ALPL: variants seen among roughly 807,000 people sequenced by gnomAD.
ALPL encodes the protein alkaline phosphatase, biomineralization associated, also known as alkaline phosphatase, tissue-nonspecific isozyme.
In ALPL, 42 loss-of-function variants were observed where a neutral mutation model predicts 51.3. The ratio of observed to expected loss-of-function variants is 0.82; its 90% CI spans 0.64 to 1.06. The LOEUF (loss-of-function observed/expected upper bound fraction) is 1.06. Ranked by LOEUF, ALPL falls within the 50% of genes least tolerant of loss-of-function variation. ALPL has a pLI of 0.00. For missense variants in ALPL, 589 were observed against 709.4 expected, an observed-to-expected ratio of 0.83 and a Z score of 1.93; for synonymous variants, 279 against 296.4, an observed-to-expected ratio of 0.94 and a Z score of 0.60.
Position 21,575,947 on chromosome 1 carries a change from G to C in ALPL, c.1189+23G>C, listed in dbSNP as rs202072528. 544 of 1,613,872 alleles carry C rather than the reference G, an allele frequency of 3.4e-4. 2 individuals are homozygous for C. In the Middle Eastern group the frequency reaches 8.7e-3, roughly 26 times the overall value. ...TTGGTAGGTGGGCCTTCTTTGGGGT[G>C]GACACTCCTGGGGTCTCCTGTCTAC... On this transcript the variant is annotated intron_variant, in intron 10 of 11. Coordinates refer to ENST00000374840, the MANE Select transcript of ALPL (RefSeq NM_000478.6).
rs1644754373 is a variant in ALPL, at chr1:21,577,453, CGT to C, written c.1381_1382del (p.Val461LeufsTer?). On this transcript the variant is annotated frameshift_variant, in exon 12 of 12. Coordinates refer to ENST00000374840, the MANE Select transcript of ALPL (RefSeq NM_000478.6). LOFTEE classifies it high-confidence loss of function. The part of the protein sequence containing the change: ...HETHGGEDVA[V>X]FSKGPMAHLL... ...AGACCCACGGCGGGGAGGACGTGGCCGTCTTCTCCAAGGGCCCCATGGCGCAC... is the reference window on the plus strand; with the variant it reads ...AGACCCACGGCGGGGAGGACGTGGCCCTTCTCCAAGGGCCCCATGGCGCAC... 6.2e-7 allele frequency: 1 copy of C among 1,611,500 alleles called. No individual in the cohort carries two copies. Among genetic ancestry groups the C allele is most frequent in the Non-Finnish European group, 8.5e-7 (1 of 1,179,940 alleles).
intron 1 of ALPL, among the ~76,000 whole-genome samples, chr1:21,553,080 A>G (rs1300743755): frequency 2.0e-5 from 3 of 152,126 alleles, no homozygotes; most frequent in Non-Finnish European, 2.9e-5. Flanking sequence ...AAAAATAAAG[A>G]GGAAATAATC....
In ALPL at chr1:21,564,042, G is replaced by T; in HGVS notation, c.474G>T (p.Gly158=). 1 of 1,613,776 alleles carries T rather than the reference G, an allele frequency of 6.2e-7. No individual in the cohort carries two copies. The highest frequency in any genetic ancestry group is 8.5e-7 in the Non-Finnish European group (1 of 1,179,968). Residue 158 remains glycine, a splice_region_variant and synonymous_variant, in exon 6 of 12, where the codon GGG becomes GGT. Transcript: ENST00000374840. The surrounding 1 kb of genome is among the most constrained non-coding windows in gnomAD (Gnocchi z 5.8). ...AAACCCGCCCCTCCTGCACCCCAGGGAAATCTGTGGGCATTGTGACCACCA... is the reference window on the plus strand; with the variant it reads ...AAACCCGCCCCTCCTGCACCCCAGGTAAATCTGTGGGCATTGTGACCACCA... The part of the protein sequence containing the change: ...TSILRWAKDA[G]KSVGIVTTTR...
intron 1 of ALPL, among the ~76,000 whole-genome samples, chr1:21,523,539 G>A (rs1056290362): frequency 2.6e-5 from 4 of 152,186 alleles, no homozygotes; most frequent in East Asian, 3.9e-4. Flanking sequence ...TCCGTGGGGC[G>A]GAGGGGAGTA....
At chr1:21,546,446 T>C (rs1472427059) in intron 1 of ALPL, among the ~76,000 whole-genome samples, 1 of 152,216 alleles carries the variant, frequency 6.6e-6, no homozygotes, top group Admixed American at 6.5e-5. Context: ...TCCAAGTGGC[T>C]TGACCTCTCT....
At chr1:21,556,965 C>T (rs1644421898) in intron 2 of ALPL, among the ~76,000 whole-genome samples, 1 of 152,146 alleles carries the variant, frequency 6.6e-6, no homozygotes, top group African/African-American at 2.4e-5. Flanking sequence ...CAGCTTCAGC[C>T]TGAACCTGTA....
At chr1:21,510,600 A>C (rs947082992) in intron 1 of ALPL, among the ~76,000 whole-genome samples, 7 of 152,188 alleles carry the variant, frequency 4.6e-5, no homozygotes, top group Non-Finnish European at 1.0e-4. Flanking sequence ...TGAGGCTTAG[A>C]CAATTTAAGT....
intron 9 of ALPL, 181 bp downstream of exon 9, chr1:21,573,980 C>T (rs1644690737): frequency 5.1e-6 from 5 of 985,276 alleles, no homozygotes; most frequent in Admixed American, 6.1e-5. Flanking sequence ...CAGCAAGCTG[C>T]TCTCCTTTGG....
chr1:21,530,954 ATTT>A lies in ALPL; in HGVS notation c.-105+21456_-105+21458del, dbSNP rs34079543. Among the ~76,000 whole-genome samples, 501 of 103,966 alleles carry A rather than the reference ATTT, an allele frequency of 4.8e-3. 3 individuals are homozygous for A. Among genetic ancestry groups the A allele is most frequent in the South Asian group, 0.018 (58 of 3,256 alleles). The allele number at this position is 103,966 out of a possible 152,430, so 68.2% of individuals were successfully genotyped here. A position where few individuals can be genotyped will look rare whatever the true frequency, so the allele number is the denominator to read the frequency against. On this transcript the variant is annotated intron_variant, in intron 1 of 11. Transcript: ENST00000374840. ...CACCACCACATCCAGATCATTTTTGATTTTTTTTTTTTTTTTTTTTTGGAGACA... is the reference window on the plus strand; with the variant it reads ...CACCACCACATCCAGATCATTTTTGATTTTTTTTTTTTTTTTTTGGAGACA...
intron 1 of ALPL, among the ~76,000 whole-genome samples, chr1:21,522,288 A>C (rs998705348): frequency 6.6e-6 from 1 of 152,026 alleles, no homozygotes; most frequent in African/African-American, 2.4e-5. Flanking sequence ...GTTAGCCAGG[A>C]TGGTCTCCAT....
intron 1 of ALPL, among the ~76,000 whole-genome samples, chr1:21,523,290 C>T (rs1285337398): frequency 2.6e-5 from 4 of 152,158 alleles, no homozygotes; most frequent in African/African-American, 7.2e-5. Flanking sequence ...CAGAGCGAGA[C>T]TCCATCTCAA....
At chr1:21,560,974 C>A (rs1433195770) in intron 3 of ALPL, 123 bp from the exon 4 acceptor site, 1 of 1,030,016 alleles carries the variant, frequency 9.7e-7, no homozygotes, top group Non-Finnish European at 1.5e-6. Context: ...ATTTACAGAG[C>A]CATGCCCAGT....
intron 9 of ALPL, among the ~76,000 whole-genome samples, chr1:21,575,120 G>A (rs992827785): frequency 6.6e-6 from 1 of 152,236 alleles, no homozygotes; most frequent in Non-Finnish European, 1.5e-5. Context: ...CCCAGGCACT[G>A]GGGACTTTCA....
intron 1 of ALPL, among the ~76,000 whole-genome samples, chr1:21,517,643 G>A (rs547040268): frequency 6.6e-6 from 1 of 152,162 alleles, no homozygotes; most frequent in East Asian, 1.9e-4. Context: ...AAACCCAGAG[G>A]GGCCTGGGTT....
chr1:21,554,625 G>A (rs1644375433), intron 2 of ALPL, among the ~76,000 whole-genome samples: 1 of 151,124 alleles, frequency 6.6e-6, no homozygotes, highest in South Asian at 2.1e-4. Flanking sequence ...CAAGTAGCTG[G>A]GACTACAGGT....
rs772412576 is a variant in ALPL at position 21,575,902 on chromosome 1, C to T, written c.1167C>T (p.Thr389=). Residue 389 remains threonine (T), a synonymous_variant, in exon 10 of 12, where the codon ACC becomes ACT. Transcript: ENST00000374840. ...HSHVFTFGGY[T]PRGNSIFGLA... ...ACGTCTTCACATTTGGTGGATACAC[C>T]CCCCGTGGCAACTCTATCTTTGGTA... 6.2e-7 allele frequency: 1 copy of T among 1,614,178 alleles called. No individual in the cohort carries two copies. The highest frequency in any genetic ancestry group is 1.1e-5 in the South Asian group (1 of 91,074).
intron 1 of ALPL, among the ~76,000 whole-genome samples, chr1:21,525,147 A>T (rs568949526): frequency 4.6e-5 from 7 of 152,308 alleles, no homozygotes; most frequent in African/African-American, 1.7e-4. Flanking sequence ...TGCCTGCCCC[A>T]CTTCCCCCTC....
intron 1 of ALPL, among the ~76,000 whole-genome samples, chr1:21,548,682 C>T (rs1371700284): frequency 1.3e-5 from 2 of 152,194 alleles, no homozygotes; most frequent in Non-Finnish European, 2.9e-5. Context: ...GATACGTTAT[C>T]TCACTTAGCA....
At chr1:21,521,209 G>T (rs769158547) in intron 1 of ALPL, among the ~76,000 whole-genome samples, 1 of 151,392 alleles carries the variant, frequency 6.6e-6, no homozygotes, top group Non-Finnish European at 1.5e-5. Flanking sequence ...TTTTTGAGAC[G>T]GAGTCTGCTC....
Sources: gnomAD v4.1 joint callset for allele counts (sites outside exome capture counted in the v4.1 genomes callset) on GRCh38, gnomAD v4.1.1 for gene constraint, Gnocchi (gnomAD v3.1) non-coding constraint, MANE v1.5 for transcripts, NCBI Gene and HGNC (gene_info 2026-07-23, HGNC 2026-07-21) for gene names.